Variants in VRTN observed in about 807,000 individuals in gnomAD.
The protein encoded by VRTN is vertnin.
Under a neutral mutation model 18.2 loss-of-function variants are expected in VRTN, and 5 were observed. That is an observed-to-expected ratio of 0.27 (90% confidence interval 0.14 to 0.58). The LOEUF is 0.58. Among genes scored for constraint, VRTN ranks in the 20% least tolerant of loss-of-function variants. The pLI is 0.91. For missense variants in VRTN, 741 were observed against 939.4 expected, an observed-to-expected ratio of 0.79 and a Z score of 2.76; for synonymous variants, 381 against 393.7, an observed-to-expected ratio of 0.97 and a Z score of 0.38.
intron 1 of VRTN, among the ~76,000 whole-genome samples, chr14:74,335,472 T>G (rs909181544): frequency 2.0e-5 from 3 of 152,216 alleles, no homozygotes; most frequent in Non-Finnish European, 2.9e-5. Context: ...ATATGACTAA[T>G]ATTAATTGAG....
chr14:74,345,925 CAAA>C (rs754493021), upstream of VRTN, among the ~76,000 whole-genome samples: 11 of 65,610 alleles, frequency 1.7e-4, no homozygotes, highest in Admixed American at 1.6e-4. Flanking sequence ...ACTCCATCTC[CAAA>C]AAAAAAAAAA....
upstream of VRTN, among the ~76,000 whole-genome samples, chr14:74,344,246 C>CAA (rs71115985): frequency 4.0e-4 from 13 of 32,512 alleles, 2 homozygotes; most frequent in Admixed American, 5.4e-4. Flanking sequence ...CTGCTTTCTA[C>CAA]AAAAAAAAAA....
intron 2 of VRTN, among the ~76,000 whole-genome samples, chr14:74,339,124 A>G (rs535101031): frequency 2.0e-4 from 30 of 151,994 alleles, no homozygotes; most frequent in African/African-American, 6.3e-4. Context: ...TCAGCCTCCC[A>G]AGTAGCTAGG....
chr14:74,331,070 C>T (rs2085519073), intron 1 of VRTN, among the ~76,000 whole-genome samples: 1 of 151,764 alleles, frequency 6.6e-6, no homozygotes, highest in Non-Finnish European at 1.5e-5. Context: ...GGCATGGTGG[C>T]GGGCACCTGT....
Position 74,323,150 on chromosome 14 carries a change from G to A in VRTN, c.-163-14573G>A, listed in dbSNP as rs1002426713. Among the ~76,000 whole-genome samples, 4 of 151,852 alleles carry A rather than the reference G, an allele frequency of 2.6e-5. No homozygotes were observed. The East Asian group carries it at 7.7e-4, about 29-fold the overall frequency. On this transcript the variant is annotated intron_variant, in intron 1 of 2. Coordinates refer to the VRTN transcript ENST00000557177. Reference sequence around the variant, plus strand: ...TCCATCTCAAAAAAAAAGCATACTGGGAATATTGGAAGCCACAGGACAGCT... The same window carrying A: ...TCCATCTCAAAAAAAAAGCATACTGAGAATATTGGAAGCCACAGGACAGCT...
At chr14:74,308,033 T>C (rs991115937) in intron 1 of VRTN, among the ~76,000 whole-genome samples, 1 of 152,178 alleles carries the variant, frequency 6.6e-6, no homozygotes, top group Non-Finnish European at 1.5e-5. Context: ...TAGAGCCAAC[T>C]TAAAATTAGT....
chr14:74,341,533 T>G (rs1265809171), intron 2 of VRTN, among the ~76,000 whole-genome samples: 1 of 152,246 alleles, frequency 6.6e-6, no homozygotes, highest in Non-Finnish European at 1.5e-5. Flanking sequence ...ATTTATTTAT[T>G]TTGAGACAGA....
chr14:74,354,551 T>C (rs1186750058), intron 1 of VRTN, among the ~76,000 whole-genome samples: 3 of 151,916 alleles, frequency 2.0e-5, no homozygotes, highest in Admixed American at 6.6e-5. Flanking sequence ...ACCACAGGCA[T>C]GTGCTGCCAC....
chr14:74,355,177 T>G (rs1362311876), intron 1 of VRTN, among the ~76,000 whole-genome samples: 1 of 151,062 alleles, frequency 6.6e-6, no homozygotes, highest in Non-Finnish European at 1.5e-5. Flanking sequence ...ACCACTGATC[T>G]CATCAGAAAA....
At chr14:74,331,544 T>TTATATA (rs1169929236) in intron 1 of VRTN, among the ~76,000 whole-genome samples, 1,479 of 42,716 alleles carry the variant, frequency 0.035, 74 homozygotes, top group Non-Finnish European at 0.049. Flanking sequence ...AAAAAAAATT[T>TTATATA]TATATATATA....
chr14:74,345,332 A>G (rs1029563771), upstream of VRTN, among the ~76,000 whole-genome samples: 3 of 146,870 alleles, frequency 2.0e-5, no homozygotes, highest in African/African-American at 7.6e-5. Flanking sequence ...GACATGAGCC[A>G]CTGCACCCTG....
chr14:74,353,104 C>G (rs988569825), intron 1 of VRTN, among the ~76,000 whole-genome samples: 2 of 151,984 alleles, frequency 1.3e-5, no homozygotes, highest in African/African-American at 4.8e-5. Flanking sequence ...CATGAGACCA[C>G]CCTGTCGGAC....
intron 1 of VRTN, among the ~76,000 whole-genome samples, chr14:74,321,723 C>T (rs1421917565): frequency 1.3e-5 from 2 of 152,058 alleles, no homozygotes; most frequent in African/African-American, 2.4e-5. Context: ...AGGCTGGTCT[C>T]GAACTCCTGA....
At chr14:74,317,311 A>C (rs1007001907) in intron 1 of VRTN, among the ~76,000 whole-genome samples, 43 of 152,172 alleles carry the variant, frequency 2.8e-4, no homozygotes, top group Non-Finnish European at 4.4e-5. Context: ...AGTGGCTCTC[A>C]ACCAGGGTGA....
At chr14:74,313,190 C>G (rs911983223) in intron 1 of VRTN, among the ~76,000 whole-genome samples, 1 of 152,164 alleles carries the variant, frequency 6.6e-6, no homozygotes, top group Non-Finnish European at 1.5e-5. Context: ...GTTTCCCTTG[C>G]TAGCCAAGGA....
chr14:74,339,910 G>C (rs2085589542), intron 2 of VRTN, among the ~76,000 whole-genome samples: 1 of 152,178 alleles, frequency 6.6e-6, no homozygotes, highest in East Asian at 1.9e-4. Context: ...TATAATAGGT[G>C]TTTGTTGTGT....
chr14:74,328,419 A>C (rs951996258), intron 1 of VRTN, among the ~76,000 whole-genome samples: 36 of 152,296 alleles, frequency 2.4e-4, no homozygotes, highest in African/African-American at 8.7e-4. Flanking sequence ...TTACCCCAAA[A>C]TAAAAATATA....
chr14:74,331,545 TATATATATATA>T (rs2085525179), intron 1 of VRTN, among the ~76,000 whole-genome samples: 1 of 7,568 alleles, frequency 1.3e-4, no homozygotes, highest in Admixed American at 2.2e-3. Context: ...AAAAAAATTT[TATATATATATA>T]TATATATATA....
chr14:74,349,307 A>G (rs942396658), intron 1 of VRTN, among the ~76,000 whole-genome samples: 2 of 141,580 alleles, frequency 1.4e-5, no homozygotes, highest in Non-Finnish European at 3.1e-5. Flanking sequence ...GGAGGGAGCA[A>G]AGATGGCTGG....
Sources: allele counts gnomAD v4.1 joint callset (sites outside exome capture counted in the v4.1 genomes callset), GRCh38; gene constraint gnomAD v4.1.1; transcripts MANE v1.5; gene names NCBI Gene and HGNC (gene_info 2026-07-23, HGNC 2026-07-21).